DNAJC6: variants seen among roughly 807,000 people sequenced by gnomAD.
The protein encoded by DNAJC6 is DnaJ heat shock protein family (Hsp40) member C6.
Under a neutral mutation model 110.0 loss-of-function variants are expected in DNAJC6, and 34 were observed. The ratio of observed to expected loss-of-function variants is 0.31; its 90% CI spans 0.24 to 0.41. The LOEUF is 0.41. DNAJC6 is among the 10% of genes least tolerant of loss of function. The pLI, the probability that DNAJC6 is intolerant of heterozygous loss-of-function variation, is 1.00. For missense variants in DNAJC6, 1,031 were observed against 1,207.8 expected (o/e 0.85, Z 2.17); for synonymous variants, 406 against 437.2 (o/e 0.93, Z 0.89).
chr1:65,332,713 GAC>G (rs1645299826), intron 1 of DNAJC6, among the ~76,000 whole-genome samples: 1 of 152,184 alleles, frequency 6.6e-6, no homozygotes, highest in African/African-American at 2.4e-5. Flanking sequence ...TGGTTAAATT[GAC>G]AGTGTTTTTT....
chr1:65,327,636 C>A (rs1032521223), intron 1 of DNAJC6, among the ~76,000 whole-genome samples: 9 of 152,156 alleles, frequency 5.9e-5, no homozygotes, highest in African/African-American at 1.2e-4. Context: ...TTTCTACCAT[C>A]CATTCTAACT....
At chr1:65,362,351 A>G (rs1645606072) in intron 1 of DNAJC6, among the ~76,000 whole-genome samples, 1 of 152,234 alleles carries the variant, frequency 6.6e-6, no homozygotes, top group African/African-American at 2.4e-5. Flanking sequence ...GTTAGCAATT[A>G]TAGTGCCTAT....
intron 2 of DNAJC6, among the ~76,000 whole-genome samples, 153 bp downstream of exon 2, chr1:65,364,938 G>A (rs950704705): frequency 2.6e-5 from 4 of 152,160 alleles, no homozygotes; most frequent in African/African-American, 9.6e-5. Flanking sequence ...AAGACATAAA[G>A]TTAAGTCCTT....
chr1:65,357,649 T>C (rs1006690662), intron 1 of DNAJC6, among the ~76,000 whole-genome samples: 3 of 152,134 alleles, frequency 2.0e-5, no homozygotes, highest in African/African-American at 7.2e-5. Flanking sequence ...AGAAGGATGT[T>C]CCTTCCTGGC....
chr1:65,354,463 G>T (rs1051329158), intron 1 of DNAJC6, among the ~76,000 whole-genome samples: 1 of 152,196 alleles, frequency 6.6e-6, no homozygotes, highest in Non-Finnish European at 1.5e-5. Flanking sequence ...TACATGTTTA[G>T]TAGATGGCCT....
chr1:65,368,470 C>T (rs1331578909), intron 4 of DNAJC6, among the ~76,000 whole-genome samples: 1 of 152,068 alleles, frequency 6.6e-6, no homozygotes, highest in African/African-American at 2.4e-5. Flanking sequence ...CCATGTCACA[C>T]ACCCTTCGTC....
At chr1:65,282,039 G>A (rs1172711711) in intron 1 of DNAJC6, among the ~76,000 whole-genome samples, 2 of 151,950 alleles carry the variant, frequency 1.3e-5, no homozygotes, top group Non-Finnish European at 1.5e-5. Context: ...CTGTCCTTCT[G>A]CTCAGCCACC....
intron 1 of DNAJC6, among the ~76,000 whole-genome samples, chr1:65,265,776 CT>C (rs1485372097): frequency 1.3e-5 from 2 of 152,216 alleles, no homozygotes; most frequent in Non-Finnish European, 2.9e-5. Flanking sequence ...GGAGCCCTTC[CT>C]TCCTATTGCG....
Position 65,413,214 on chromosome 1 carries a change from T to C in DNAJC6, c.*189T>C. 1.9e-6 allele frequency: 1 copy of C among 539,940 alleles called. No individual in the cohort carries two copies. The highest frequency in any genetic ancestry group is 2.2e-5 in the South Asian group (1 of 45,362). The allele number at this position is 539,940 out of a possible 1,614,324, so 33.4% of individuals were successfully genotyped here. On this transcript the variant is annotated 3_prime_UTR_variant, in exon 19 of 19. Coordinates refer to ENST00000371069, the MANE Select transcript of DNAJC6 (RefSeq NM_001256864.2). ...TTTGGTTTCTCCAAAGTTCCCACCA[T>C]AAAAGATCCAAAGCATGAGAGGAAC...
chr1:65,408,699 T>C lies in DNAJC6; in HGVS notation c.2550T>C (p.Ala850=), dbSNP rs1050456128. 4 of 1,613,808 alleles carry C rather than the reference T, an allele frequency of 2.5e-6. No homozygotes were observed. The highest frequency in any genetic ancestry group is 1.3e-5 in the African/African-American group (1 of 74,854). The change falls in exon 17 of 19, where the codon GCT becomes GCC. Residue 850 remains alanine (A), a synonymous_variant. Coordinates refer to ENST00000371069, the MANE Select transcript of DNAJC6 (RefSeq NM_001256864.2). ...EDLLSGQGFN[A]HKDKKGPRTI... is the part of the protein sequence containing the mutation. ...TACTCTCTGGTCAAGGTTTCAATGC[T>C]CACAAAGACAAAAAGGGGCCTCGGA...
At chr1:65,278,867 G>A (rs967719848) in intron 1 of DNAJC6, 1 of 700,830 alleles carries the variant, frequency 1.4e-6, no homozygotes, top group African/African-American at 1.9e-5. Context: ...GAAAGGGGTG[G>A]GGAAGAATCT....
At chr1:65,383,490 C>T (rs1005614955) in intron 5 of DNAJC6, among the ~76,000 whole-genome samples, 2 of 152,102 alleles carry the variant, frequency 1.3e-5, no homozygotes, top group African/African-American at 2.4e-5. Flanking sequence ...CTGGTGAGGG[C>T]CTGCTTCTGG....
At chr1:65,281,210 AGCCACTGT>A (rs1327480563) in intron 1 of DNAJC6, among the ~76,000 whole-genome samples, 1 of 152,190 alleles carries the variant, frequency 6.6e-6, no homozygotes, top group Admixed American at 6.5e-5. Flanking sequence ...TACAAGCCTT[AGCCACTGT>A]GCCCGGCTCA....
chr1:65,309,029 TG>T (rs1645070549), upstream of DNAJC6, among the ~76,000 whole-genome samples: 1 of 152,222 alleles, frequency 6.6e-6, no homozygotes, highest in Non-Finnish European at 1.5e-5. Flanking sequence ...CTTTTTCTGT[TG>T]AATTGAGTTA....
intron 1 of DNAJC6, among the ~76,000 whole-genome samples, chr1:65,289,434 T>A (rs569878857): frequency 6.6e-6 from 1 of 152,276 alleles, no homozygotes; most frequent in South Asian, 2.1e-4. Context: ...TGACTTCTGA[T>A]CCACCCGCCT....
Position 65,394,971 on chromosome 1 carries a change from A to C in DNAJC6, c.1977A>C (p.Thr659=). Residue 659 remains threonine (T), a synonymous_variant, in exon 13 of 19, where the codon ACA becomes ACC. Coordinates refer to ENST00000371069, the MANE Select transcript of DNAJC6 (RefSeq NM_001256864.2). ...GQDLLGSFLN[T]SSASSDPFLQ... The stretch of plus-strand genomic sequence containing the variant: ...ATTTGCTGGGTTCTTTTCTGAACAC[A>C]TCCAGTGCTTCCAGTGACCCCTTTC... The C allele has an allele frequency of 1.2e-6, 2 of 1,612,908 alleles. No homozygotes were observed. The highest frequency in any genetic ancestry group is 1.7e-6 in the Non-Finnish European group (2 of 1,179,610).
At chr1:65,391,036 C>G (rs566979097) in intron 11 of DNAJC6, among the ~76,000 whole-genome samples, 28 of 152,292 alleles carry the variant, frequency 1.8e-4, no homozygotes, top group African/African-American at 6.7e-4. Flanking sequence ...CCTCTCAGAG[C>G]CAGGTATGTT....
chr1:65,264,829 CTG>C, exon 1 of DNAJC6: 3 of 1,589,596 alleles, frequency 1.9e-6, no homozygotes, highest in Non-Finnish European at 2.6e-6. Flanking sequence ...AGACCGCTGA[CTG>C]TGAATGACAA....
In DNAJC6 at chr1:65,414,592, TG is replaced by T. The variant is rs1400875592; in HGVS notation, c.*1568del. On this transcript the variant is annotated 3_prime_UTR_variant, in exon 19 of 19. Coordinates refer to ENST00000371069, the MANE Select transcript of DNAJC6 (RefSeq NM_001256864.2). ...TCTACATAGATCTCTTTCTCTCTTT[TG>T]TTTTGTTTGTTTGTTTGTTAAAGTT... 6.6e-6 allele frequency: 1 copy of T among 152,648 alleles called. No individual in the cohort carries two copies. The highest frequency in any genetic ancestry group is 1.5e-5 in the Non-Finnish European group (1 of 68,046). The allele number at this position is 152,648 out of a possible 1,614,324, so 9.5% of individuals were successfully genotyped here.
Sources: allele counts gnomAD v4.1 joint callset (sites outside exome capture counted in the v4.1 genomes callset), GRCh38; gene constraint gnomAD v4.1.1; transcripts MANE v1.5; gene names NCBI Gene and HGNC (gene_info 2026-07-23, HGNC 2026-07-21).